GARNL3: variants seen among roughly 807,000 people sequenced by gnomAD.
The protein encoded by GARNL3 is GTPase activating Rap/RanGAP domain like 3, also known as GTPase-activating Rap/Ran-GAP domain-like protein 3.
A neutral mutation model predicts 125.0 loss-of-function variants in GARNL3; 63 were observed. The observed-to-expected ratio is 0.50, with a 90% CI of 0.41 to 0.62. The LOEUF is 0.62. Ranked by LOEUF, GARNL3 falls within the 20% of genes least tolerant of loss-of-function variation. GARNL3 has a pLI of 0.00. For synonymous variants in GARNL3, 439 were observed against 457.5 expected, an observed-to-expected ratio of 0.96 and a Z score of 0.52; for missense variants, 994 against 1,244.0, an observed-to-expected ratio of 0.80 and a Z score of 3.02.
intron 1 of GARNL3, among the ~76,000 whole-genome samples, chr9:127,232,959 T>G (rs1305971530): frequency 2.6e-5 from 4 of 152,198 alleles, no homozygotes; most frequent in African/African-American, 7.2e-5. Context: ...GTGCCTGTAA[T>G]CCCAAAATTT....
At chr9:127,294,084 G>T (rs183392623) in intron 2 of GARNL3, among the ~76,000 whole-genome samples, 2 of 152,182 alleles carry the variant, frequency 1.3e-5, no homozygotes, top group Non-Finnish European at 2.9e-5. Context: ...CATAATGTGG[G>T]GCAGGGCTCC....
intron 2 of GARNL3, chr9:127,300,937 C>G (rs777398003): frequency 4.9e-6 from 1 of 204,758 alleles, no homozygotes; most frequent in African/African-American, 2.4e-5. Context: ...TTCCTTAGGT[C>G]TCCTTTGCAC....
At position 127,364,683 on chromosome 9, in the gene GARNL3, A is replaced by G. The variant is rs533230956; in HGVS notation, c.2095-617A>G. On this transcript the variant is annotated intron_variant, in intron 21 of 27. Coordinates refer to ENST00000373387, the MANE Select transcript of GARNL3 (RefSeq NM_032293.5). The surrounding 1 kb of genome is among the most constrained non-coding windows in gnomAD (Gnocchi z 4.2). The stretch of plus-strand genomic sequence containing the variant: ...CACCATGCTGCCTCTCTTGACATGA[A>G]GAACAGAGAAAGAATAAAGTGTGAA... 6.6e-6 allele frequency: 1 copy of G among 152,410 alleles called. No homozygotes were observed. Among genetic ancestry groups the G allele is most frequent in the East Asian group, 1.9e-4 (1 of 5,186 alleles). 9.4% of individuals were successfully genotyped at this position (152,410 alleles called of 1,614,324 possible).
chr9:127,273,182 T>C (rs1422822942), intron 1 of GARNL3, among the ~76,000 whole-genome samples: 1 of 152,116 alleles, frequency 6.6e-6, no homozygotes, highest in Non-Finnish European at 1.5e-5. Flanking sequence ...CCCATTTAAC[T>C]GATGATACCA....
intron 1 of GARNL3, among the ~76,000 whole-genome samples, chr9:127,288,994 C>T (rs2064332555): frequency 6.6e-6 from 1 of 152,166 alleles, no homozygotes; most frequent in Non-Finnish European, 1.5e-5. Context: ...GTCCAGATGT[C>T]ATCTCAGAAT....
chr9:127,388,868 T>TA lies in GARNL3; in HGVS notation c.2528-33dup, dbSNP rs754820915. 3.2e-5 allele frequency: 41 copies of TA among 1,262,494 alleles called. No individual in the cohort carries two copies. In the South Asian group the frequency reaches 4.3e-4, roughly 13 times the overall value. The allele number at this position is 1,262,494 out of a possible 1,614,324, so 78.2% of individuals were successfully genotyped here. A position where few individuals can be genotyped will look rare whatever the true frequency, so the allele number is the denominator to read the frequency against. On this transcript the variant is annotated intron_variant, in intron 25 of 27. Coordinates refer to ENST00000373387, the MANE Select transcript of GARNL3 (RefSeq NM_032293.5). ...TCTTGTAAATAATGTGCACTTTTCTTAAAGTTCTGATGTTCTTTTTGAAAT... is the reference window on the plus strand; with the variant it reads ...TCTTGTAAATAATGTGCACTTTTCTTAAAAGTTCTGATGTTCTTTTTGAAAT...
intron 4 of GARNL3, 38 bp downstream of exon 4, chr9:127,313,597 A>T: frequency 1.5e-6 from 2 of 1,346,992 alleles, no homozygotes; most frequent in Non-Finnish European, 2.1e-6. Context: ...AAATTTATGC[A>T]TCAGTTTCAG....
intron 1 of GARNL3, among the ~76,000 whole-genome samples, chr9:127,238,585 A>AC (rs1398568725): frequency 5.3e-5 from 8 of 152,108 alleles, no homozygotes; most frequent in Non-Finnish European, 1.0e-4. Flanking sequence ...GCTCAGGGAT[A>AC]CCCCCATGTC....
intron 14 of GARNL3, 59 bp from the exon 15 acceptor site, chr9:127,344,176 G>T: frequency 8.3e-7 from 1 of 1,200,488 alleles, no homozygotes; most frequent in Non-Finnish European, 1.2e-6. Context: ...ACTATGAGAA[G>T]CCAAAAGATG....
intron 1 of GARNL3, among the ~76,000 whole-genome samples, chr9:127,239,679 GGTAAAATAT>G (rs1255619387): frequency 6.6e-6 from 1 of 152,024 alleles, no homozygotes; most frequent in Non-Finnish European, 1.5e-5. Context: ...AGAAGATAAA[GGTAAAATAT>G]GTCAGAAGGT....
rs142570094 is a variant in GARNL3, at chr9:127,389,315, A to G, written c.2743+196A>G. On this transcript the variant is annotated intron_variant, in intron 26 of 27. Coordinates refer to ENST00000373387, the MANE Select transcript of GARNL3 (RefSeq NM_032293.5). ...CCACCAACAGTGATGTTGTTGATCT[A>G]TATTTATTGGTGTGGAAAGCTGCTC... Among the ~76,000 whole-genome samples the G allele has an allele frequency of 1.7e-3, 256 of 152,326 alleles. 4 individuals are homozygous for G. Among genetic ancestry groups the G allele is most frequent in the Admixed American group, 0.016 (246 of 15,298 alleles).
intron 2 of GARNL3, among the ~76,000 whole-genome samples, chr9:127,306,978 A>G (rs2064975092): frequency 6.6e-6 from 1 of 152,194 alleles, no homozygotes. Context: ...TGAAAAGTGA[A>G]GAGTGTAAAC....
chr9:127,225,509 G>T, intron 1 of GARNL3: 1 of 421,422 alleles, frequency 2.4e-6, no homozygotes, highest in Non-Finnish European at 3.2e-6. Context: ...AAGGGTCTGC[G>T]GAGGTTCTCA....
intron 1 of GARNL3, chr9:127,225,332 G>T (rs1430175215): frequency 5.0e-5 from 49 of 984,630 alleles, no homozygotes; most frequent in Non-Finnish European, 1.6e-5. Context: ...AGCCCGGCGG[G>T]GTGGCCGCTG....
At chr9:127,240,339 CA>C (rs1440305428) in intron 1 of GARNL3, among the ~76,000 whole-genome samples, 2 of 152,178 alleles carry the variant, frequency 1.3e-5, no homozygotes, top group Non-Finnish European at 2.9e-5. Flanking sequence ...CCAGCCCTCA[CA>C]ATGGTAACTC....
intron 17 of GARNL3, among the ~76,000 whole-genome samples, chr9:127,350,119 C>G (rs1352863649): frequency 6.6e-6 from 1 of 152,028 alleles, no homozygotes; most frequent in African/African-American, 2.4e-5. Flanking sequence ...CAATTGTGTG[C>G]CCATAGTCAT....
chr9:127,239,047 A>G (rs2063159389), intron 1 of GARNL3, among the ~76,000 whole-genome samples: 2 of 152,114 alleles, frequency 1.3e-5, no homozygotes, highest in African/African-American at 4.8e-5. Context: ...ACATTTTCCC[A>G]TCAGTCCACC....
rs766399632 is a variant in GARNL3 at position 127,385,081 on chromosome 9, TG to T, written c.2326del (p.Val776TrpfsTer2). 1.2e-6 allele frequency: 2 copies of T among 1,612,968 alleles called. No individual in the cohort carries two copies. Among genetic ancestry groups the T allele is most frequent in the South Asian group, 2.2e-5 (2 of 90,804 alleles). On this transcript the variant is annotated frameshift_variant, in exon 24 of 28. Transcript: ENST00000373387. LOFTEE classifies it high-confidence loss of function. The surrounding 1 kb of genome is among the most constrained non-coding windows in gnomAD (Gnocchi z 4.1). Reference protein sequence around the residue: ...AFTTDSMEIRLVVNGNLVHTA... With the variant: ...AFTTDSMEIRXVVNGNLVHTA... The stretch of plus-strand genomic sequence containing the variant: ...ACCACCGACTCCATGGAGATCCGCC[TG>T]GTGGTGAACGGGAACCTGGTCCACA...
chr9:127,309,224 G>A (rs1429152599), intron 2 of GARNL3, among the ~76,000 whole-genome samples: 1 of 152,152 alleles, frequency 6.6e-6, no homozygotes, highest in Non-Finnish European at 1.5e-5. Context: ...CTCTGGAATT[G>A]GAACTGGTTT....
Sources: allele counts gnomAD v4.1 joint callset (sites outside exome capture counted in the v4.1 genomes callset), GRCh38; gene constraint gnomAD v4.1.1; non-coding constraint Gnocchi (gnomAD v3.1); transcripts MANE v1.5; gene names NCBI Gene and HGNC (gene_info 2026-07-23, HGNC 2026-07-21).